Variants in SLC7A14 observed in about 807,000 individuals in gnomAD.
SLC7A14 encodes the protein gamma-aminobutyric acid transporter SLC7A14.
SLC7A14 carries 37 observed loss-of-function variants against 60.2 expected under a neutral mutation model. The observed-to-expected ratio is 0.61, with a 90% CI of 0.47 to 0.81. SLC7A14 has a LOEUF of 0.81. SLC7A14 is among the 30% of genes least tolerant of loss of function. SLC7A14 has a pLI of 0.00. For synonymous variants in SLC7A14, 399 were observed against 395.8 expected, an observed-to-expected ratio of 1.01 and a Z score of -0.10; for missense variants, 886 against 982.7, an observed-to-expected ratio of 0.90 and a Z score of 1.32.
At chr3:170,472,785 A>C (rs1739956017) in intron 7 of SLC7A14, among the ~76,000 whole-genome samples, 1 of 151,856 alleles carries the variant, frequency 6.6e-6, no homozygotes, top group East Asian at 1.9e-4. Context: ...AAAAAAAAGA[A>C]AGTCTGTTTG....
At chr3:170,561,709 C>T (rs1714657102) in intron 1 of SLC7A14, among the ~76,000 whole-genome samples, 1 of 152,184 alleles carries the variant, frequency 6.6e-6, no homozygotes, top group Admixed American at 6.5e-5. Flanking sequence ...AGACAACACA[C>T]AGAGTGGGAG....
At chr3:170,507,852 C>T (rs1712829948) in intron 2 of SLC7A14, among the ~76,000 whole-genome samples, 1 of 152,198 alleles carries the variant, frequency 6.6e-6, no homozygotes. Context: ...CTGGTCTGCT[C>T]AAGGTCTCCT....
intron 2 of SLC7A14, among the ~76,000 whole-genome samples, chr3:170,514,433 G>C (rs904542883): frequency 3.9e-5 from 6 of 152,212 alleles, no homozygotes; most frequent in African/African-American, 1.2e-4. Flanking sequence ...ACAAAGTTGA[G>C]GCTGCTTAAG....
intron 4 of SLC7A14, among the ~76,000 whole-genome samples, chr3:170,490,149 C>A (rs1302930392): frequency 6.6e-6 from 1 of 152,196 alleles, no homozygotes; most frequent in Non-Finnish European, 1.5e-5. Flanking sequence ...ACACCCCATT[C>A]TCCACGATGT....
intron 1 of SLC7A14, among the ~76,000 whole-genome samples, chr3:170,558,183 T>C (rs2422041): frequency 0.33 from 50,318 of 151,844 alleles, 8,546 homozygotes; most frequent in East Asian, 0.4. Context: ...GCCTGGCCAA[T>C]GTGGCGAAAT....
At position 170,480,377 on chromosome 3, in the gene SLC7A14, C is replaced by T; in HGVS notation, c.1905G>A (p.Val635=). 1.9e-6 allele frequency: 3 copies of T among 1,609,582 alleles called. No individual in the cohort carries two copies. The highest frequency in any genetic ancestry group is 2.5e-6 in the Non-Finnish European group (3 of 1,177,484). Residue 635 remains valine (V), a synonymous_variant, in exon 7 of 8, where the codon GTG becomes GTA. Coordinates refer to ENST00000231706, the MANE Select transcript of SLC7A14 (RefSeq NM_020949.3). ...LPYMAPCLPF[V]PAFAMLVNIY... ...TGTTCACCAGCATGGCAAAGGCAGG[C>T]ACAAAGGGGAGGCAAGGGGCCATGT...
rs926646986 is a variant in SLC7A14, at chr3:170,498,128, T to C, written c.759+539A>G. Among the ~76,000 whole-genome samples, 4 of 152,314 alleles carry C rather than the reference T, an allele frequency of 2.6e-5. No homozygotes were observed. The East Asian group carries it at 7.7e-4, about 29-fold the overall frequency. ...ACTGTCCCCTTTCCCTGGCCTCCTT[T>C]ATTGCCTTGTGTATTTATGTTCTTC... On this transcript the variant is annotated intron_variant, in intron 4 of 7. Coordinates refer to ENST00000231706, the MANE Select transcript of SLC7A14 (RefSeq NM_020949.3).
chr3:170,524,426 G>T (rs1713432506), intron 2 of SLC7A14, among the ~76,000 whole-genome samples: 1 of 152,276 alleles, frequency 6.6e-6, no homozygotes, highest in Middle Eastern at 3.4e-3. Context: ...GGCAGGCTCT[G>T]GTTTCCAGAT....
intron 5 of SLC7A14, among the ~76,000 whole-genome samples, chr3:170,485,788 C>T (rs929717263): frequency 1.3e-5 from 2 of 152,216 alleles, no homozygotes; most frequent in African/African-American, 4.8e-5. Flanking sequence ...TTCTCTCTCC[C>T]CGCTGTGCAG....
intron 1 of SLC7A14, among the ~76,000 whole-genome samples, chr3:170,539,984 T>C (rs1713968423): frequency 1.3e-5 from 2 of 152,182 alleles, no homozygotes; most frequent in South Asian, 4.1e-4. Context: ...TAAGGATGAC[T>C]TGAATACAAG....
At chr3:170,547,473 A>G (rs1203290237) in intron 1 of SLC7A14, among the ~76,000 whole-genome samples, 3 of 152,216 alleles carry the variant, frequency 2.0e-5, no homozygotes, top group African/African-American at 4.8e-5. Context: ...TATGTCATAT[A>G]TATTATATAC....
intron 2 of SLC7A14, among the ~76,000 whole-genome samples, chr3:170,510,312 C>G (rs1359371070): frequency 6.7e-6 from 1 of 149,664 alleles, no homozygotes; most frequent in Non-Finnish European, 1.5e-5. Flanking sequence ...ATTGCTTGAA[C>G]CTAGGAGGCG....
chr3:170,523,291 T>C (rs1713391939), intron 2 of SLC7A14, among the ~76,000 whole-genome samples: 1 of 152,242 alleles, frequency 6.6e-6, no homozygotes, highest in Non-Finnish European at 1.5e-5. Context: ...TTGATTGCTA[T>C]ACTACTTCTG....
At chr3:170,546,280 G>T (rs2108302569) in intron 1 of SLC7A14, among the ~76,000 whole-genome samples, 1 of 152,316 alleles carries the variant, frequency 6.6e-6, no homozygotes, top group East Asian at 1.9e-4. Context: ...CTGTTGGAAA[G>T]CAGGTTGATA....
At chr3:170,519,064 G>A (rs909102024) in intron 2 of SLC7A14, among the ~76,000 whole-genome samples, 5 of 152,090 alleles carry the variant, frequency 3.3e-5, no homozygotes, top group Non-Finnish European at 7.4e-5. Context: ...ATAAAGAAAG[G>A]GGACAGCAGG....
rs572254632 is a variant in SLC7A14, at chr3:170,570,450, A to AAAAATAAAATAAAATAAAATAAAAT, written c.-153+15436_-153+15460dup. The AAAAATAAAATAAAATAAAATAAAAT allele has an allele frequency of 2.9e-3, 420 of 145,096 alleles. 4 individuals are homozygous for AAAAATAAAATAAAATAAAATAAAAT. The highest frequency in any genetic ancestry group is 9.8e-3 in the African/African-American group (372 of 38,062). 9.0% of individuals were successfully genotyped at this position (145,096 alleles called of 1,614,324 possible). On this transcript the variant is annotated intron_variant, in intron 1 of 7. Coordinates refer to ENST00000231706, the MANE Select transcript of SLC7A14 (RefSeq NM_020949.3). The stretch of plus-strand genomic sequence containing the variant: ...GGCAACAGAGTGAGACCCTGTCTCA[A>AAAAATAAAATAAAATAAAATAAAAT]AAAATAAAATAAAATAAAATAAAAT...
At chr3:170,510,306 C>A (rs1311716200) in intron 2 of SLC7A14, among the ~76,000 whole-genome samples, 1 of 149,182 alleles carries the variant, frequency 6.7e-6, no homozygotes, top group African/African-American at 2.5e-5. Flanking sequence ...AGCAGAATTG[C>A]TTGAACCTAG....
chr3:170,550,382 C>T lies in SLC7A14; in HGVS notation c.-152-23294G>A, dbSNP rs369553071. ...CATAGAGTCACTGAGATCTCAATAG[C>T]CATAAACCGTAAAGTGTGGGTGTTG... On this transcript the variant is annotated intron_variant, in intron 1 of 7. Coordinates refer to ENST00000231706, the MANE Select transcript of SLC7A14 (RefSeq NM_020949.3). 4.6e-4 allele frequency among the ~76,000 whole-genome samples: 70 copies of T among 152,144 alleles called. No homozygotes were observed. The South Asian group carries it at 6.4e-3, about 14-fold the overall frequency.
Position 170,481,161 on chromosome 3 carries a change from A to C in SLC7A14, c.1121T>G (p.Leu374Arg), listed in dbSNP as rs777169337. Residue 374 changes from leucine (L) to arginine (R), a missense_variant, in exon 7 of 8, where the codon CTG (leucine) becomes CGG (arginine). Transcript: ENST00000231706. Reference protein sequence around the residue: ...MAGDGLLFRFLAHVSSYTETP... With the variant: ...MAGDGLLFRFRAHVSSYTETP... ...CTCTGTGTAGGAGCTGACGTGAGCC[A>C]GGAACCTGGAGGGGCCGGGCAAGCA... The C allele has an allele frequency of 6.2e-7, 1 of 1,612,664 alleles. No homozygotes were observed. Among genetic ancestry groups the C allele is most frequent in the Non-Finnish European group, 8.5e-7 (1 of 1,179,268 alleles).
Sources: gnomAD v4.1 joint callset for allele counts (sites outside exome capture counted in the v4.1 genomes callset) on GRCh38, gnomAD v4.1.1 for gene constraint, MANE v1.5 for transcripts, NCBI Gene and HGNC (gene_info 2026-07-23, HGNC 2026-07-21) for gene names.